TAFA2: variants seen among roughly 807,000 people sequenced by gnomAD.
The protein encoded by TAFA2 is TAFA chemokine like family member 2.
In TAFA2, 7 loss-of-function variants were observed where a neutral mutation model predicts 18.8. The ratio of observed to expected loss-of-function variants is 0.37; its 90% confidence interval spans 0.21 to 0.70. TAFA2 has a LOEUF of 0.70. Among genes scored for constraint, TAFA2 ranks in the 30% least tolerant of loss-of-function variants. The probability of loss-of-function intolerance (pLI) is 0.53; values close to 1 mark genes in which losing one functional copy is unlikely to be tolerated. For synonymous variants in TAFA2, 60 were observed against 54.2 expected (o/e 1.11, Z -0.47); for missense variants, 122 against 158.1 (o/e 0.77, Z 1.23).
intron 2 of TAFA2, among the ~76,000 whole-genome samples, chr12:61,829,733 T>A (rs1327332675): frequency 4.6e-5 from 7 of 151,628 alleles, no homozygotes; most frequent in Non-Finnish European, 1.0e-4. Context: ...GTTAGAATAA[T>A]AGAAGTAATG....
intron 2 of TAFA2, among the ~76,000 whole-genome samples, chr12:61,823,421 G>A (rs893177084): frequency 8.5e-5 from 13 of 152,110 alleles, no homozygotes; most frequent in Non-Finnish European, 1.8e-4. Flanking sequence ...GCCAATGTCA[G>A]TATACTATAT....
intron 2 of TAFA2, among the ~76,000 whole-genome samples, chr12:61,786,574 G>A (rs1202960076): frequency 6.6e-6 from 1 of 151,496 alleles, no homozygotes; most frequent in East Asian, 1.9e-4. Flanking sequence ...CATATCCCAT[G>A]TATTTAAAAG....
At chr12:61,785,145 T>C (rs1870673985) in intron 2 of TAFA2, among the ~76,000 whole-genome samples, 1 of 151,696 alleles carries the variant, frequency 6.6e-6, no homozygotes, top group Non-Finnish European at 1.5e-5. Context: ...TAGTATTCTC[T>C]GTTCTACATG....
intron 1 of TAFA2, among the ~76,000 whole-genome samples, chr12:62,165,249 C>T (rs888833723): frequency 3.9e-5 from 6 of 152,056 alleles, no homozygotes; most frequent in Middle Eastern, 3.2e-3. Context: ...GCTTACACTG[C>T]CCTTTAACCT....
At chr12:61,880,000 G>A (rs752445920) in intron 1 of TAFA2, 2 of 782,080 alleles carry the variant, frequency 2.6e-6, no homozygotes, top group Non-Finnish European at 2.3e-6. Flanking sequence ...TCCTCAGGCA[G>A]CTGCATGAAG....
At chr12:62,007,308 C>T (rs538393651) in intron 1 of TAFA2, among the ~76,000 whole-genome samples, 120 of 152,294 alleles carry the variant, frequency 7.9e-4, no homozygotes, top group African/African-American at 2.3e-3. Context: ...TTACCCTATA[C>T]GAAATCACCA....
At chr12:61,972,389 A>G (rs1185441928) in intron 1 of TAFA2, among the ~76,000 whole-genome samples, 1 of 151,586 alleles carries the variant, frequency 6.6e-6, no homozygotes, top group Non-Finnish European at 1.5e-5. Flanking sequence ...GGAAGATCCC[A>G]AATTAGTTTC....
intron 1 of TAFA2, among the ~76,000 whole-genome samples, chr12:62,206,379 T>C (rs1382021875): frequency 6.6e-6 from 1 of 152,234 alleles, no homozygotes; most frequent in African/African-American, 2.4e-5. Flanking sequence ...CCATGAAACA[T>C]GTCTTCATAT....
At chr12:62,128,376 T>C (rs1027331549) in intron 1 of TAFA2, among the ~76,000 whole-genome samples, 1 of 151,976 alleles carries the variant, frequency 6.6e-6, no homozygotes, top group African/African-American at 2.4e-5. Context: ...AACTCAGAGG[T>C]TGTGAAACAA....
chr12:61,891,224 G>T (rs1326374293), intron 1 of TAFA2, among the ~76,000 whole-genome samples: 1 of 152,174 alleles, frequency 6.6e-6, no homozygotes, highest in African/African-American at 2.4e-5. Context: ...GAAAGATTCA[G>T]CCAAATAAAC....
At chr12:62,177,998 G>T (rs1033000665) in intron 1 of TAFA2, among the ~76,000 whole-genome samples, 1 of 152,086 alleles carries the variant, frequency 6.6e-6, no homozygotes, top group Non-Finnish European at 1.5e-5. Context: ...TCAGAGGAGG[G>T]TAAGCCTCAA....
chr12:62,048,867 A>G (rs978580518), intron 1 of TAFA2, among the ~76,000 whole-genome samples: 1 of 152,208 alleles, frequency 6.6e-6, no homozygotes, highest in Non-Finnish European at 1.5e-5. Context: ...TACTGCATAT[A>G]TAGGACATAG....
At chr12:62,123,113 T>C (rs1183773846) in intron 1 of TAFA2, among the ~76,000 whole-genome samples, 2 of 152,194 alleles carry the variant, frequency 1.3e-5, no homozygotes, top group African/African-American at 4.8e-5. Context: ...CATAACATTT[T>C]GTATTTTACC....
chr12:61,950,646 C>T (rs1434587886), intron 1 of TAFA2, among the ~76,000 whole-genome samples: 1 of 151,936 alleles, frequency 6.6e-6, no homozygotes, highest in African/African-American at 2.4e-5. Flanking sequence ...AAGAATTCTC[C>T]ATGTATTTTG....
At chr12:61,831,186 C>A (rs1872707929) in intron 2 of TAFA2, among the ~76,000 whole-genome samples, 1 of 151,970 alleles carries the variant, frequency 6.6e-6, no homozygotes, top group Non-Finnish European at 1.5e-5. Context: ...GACCTTAGCT[C>A]AATGCTTGGT....
chr12:61,830,185 T>C (rs1872665843), intron 2 of TAFA2, among the ~76,000 whole-genome samples: 1 of 150,562 alleles, frequency 6.6e-6, no homozygotes, highest in Non-Finnish European at 1.5e-5. Flanking sequence ...ATAAATGCTA[T>C]ATATATATGT....
chr12:62,158,865 G>A (rs2062388482), intron 1 of TAFA2, among the ~76,000 whole-genome samples: 2 of 152,116 alleles, frequency 1.3e-5, no homozygotes, highest in South Asian at 4.1e-4. Flanking sequence ...TAAAGACCCA[G>A]CACAAGTGAT....
chr12:62,203,107 A>G (rs1007073849), intron 1 of TAFA2, among the ~76,000 whole-genome samples: 14 of 152,196 alleles, frequency 9.2e-5, no homozygotes, highest in Middle Eastern at 3.4e-3. Context: ...GATTACAGGC[A>G]TGAGCCACCA....
chr12:62,222,655 C>T (rs1409845794), intron 1 of TAFA2, among the ~76,000 whole-genome samples: 3 of 151,136 alleles, frequency 2.0e-5, no homozygotes, highest in African/African-American at 7.3e-5. Flanking sequence ...TACAGGTGCC[C>T]GCCACCACGC....
Sources: allele counts gnomAD v4.1 joint callset (sites outside exome capture counted in the v4.1 genomes callset), GRCh38; gene constraint gnomAD v4.1.1; transcripts MANE v1.5; gene names NCBI Gene and HGNC (gene_info 2026-07-23, HGNC 2026-07-21).